NCAM1: variants seen among roughly 807,000 people sequenced by gnomAD.
NCAM1 encodes antigen recognized by monoclonal antibody 5.1H11.
A neutral mutation model predicts 109.8 loss-of-function variants in NCAM1; 14 were observed. That is an observed-to-expected ratio of 0.13 (90% CI 0.08 to 0.20). The LOEUF (loss-of-function observed/expected upper bound fraction) is 0.20. Among genes scored for constraint, NCAM1 ranks in the 10% least tolerant of loss-of-function variants. The pLI, the probability that NCAM1 is intolerant of heterozygous loss-of-function variation, is 1.00. For synonymous variants in NCAM1, 418 were observed against 442.9 expected (o/e 0.94, Z 0.70); for missense variants, 774 against 1,109.9 (o/e 0.70, Z 4.30).
chr11:113,036,565 CATTGTCTACT>C (rs1952895340), intron 1 of NCAM1, among the ~76,000 whole-genome samples: 1 of 152,058 alleles, frequency 6.6e-6, no homozygotes, highest in East Asian at 1.9e-4. Context: ...CCCTCCGGGT[CATTGTCTACT>C]CCCAGGTCCC....
At chr11:113,272,760 G>A (rs748085329) in intron 19 of NCAM1, among the ~76,000 whole-genome samples, 2 of 152,068 alleles carry the variant, frequency 1.3e-5, no homozygotes, top group Non-Finnish European at 2.9e-5. Context: ...GCCCACCTGG[G>A]CGTGTGCTTC....
intron 1 of NCAM1, among the ~76,000 whole-genome samples, chr11:112,990,787 C>T (rs1004308942): frequency 6.6e-6 from 1 of 152,156 alleles, no homozygotes; most frequent in Non-Finnish European, 1.5e-5. Flanking sequence ...GGGTCTGGAG[C>T]TAGGGCCATG....
At chr11:113,137,718 A>C (rs1220431033) in intron 1 of NCAM1, among the ~76,000 whole-genome samples, 1 of 152,248 alleles carries the variant, frequency 6.6e-6, no homozygotes, top group East Asian at 1.9e-4. Flanking sequence ...ACAGTAGGGA[A>C]TTAGACATTT....
At chr11:113,260,117 G>A (rs368235486) in intron 16 of NCAM1, 29 bp from the exon 17 acceptor site, 5 of 1,588,910 alleles carry the variant, frequency 3.1e-6, no homozygotes, top group African/African-American at 2.7e-5. Context: ...TTGGTCTCTT[G>A]TATCCTTCTT....
chr11:113,131,049 G>A (rs1325421820), intron 1 of NCAM1, among the ~76,000 whole-genome samples: 1 of 152,122 alleles, frequency 6.6e-6, no homozygotes, highest in Non-Finnish European at 1.5e-5. Context: ...CAGGACAGAC[G>A]GTTAGTAACG....
At chr11:113,239,499 C>CTTTTTTTTTTTTT (rs55641415) in intron 14 of NCAM1, among the ~76,000 whole-genome samples, 1 of 110,198 alleles carries the variant, frequency 9.1e-6, no homozygotes, top group Non-Finnish European at 1.7e-5. Flanking sequence ...TGAGTCTCTA[C>CTTTTTTTTTTTTT]TTTTTTTTTT....
intron 1 of NCAM1, among the ~76,000 whole-genome samples, chr11:113,033,901 G>A (rs1952789793): frequency 6.6e-6 from 1 of 152,126 alleles, no homozygotes. Flanking sequence ...TGTTACCATT[G>A]TTTTAGACAT....
rs528876236 is a variant in NCAM1 at position 113,074,991 on chromosome 11, G to A, written c.52+113327G>A. ...TGAAAACAGCTTCATGTGGCTCATG[G>A]CTACATGGCTAATTGATAGCACCTG... On this transcript the variant is annotated intron_variant, in intron 1 of 19. Coordinates refer to ENST00000316851, the MANE Select transcript of NCAM1 (RefSeq NM_181351.5). 9.9e-5 allele frequency among the ~76,000 whole-genome samples: 15 copies of A among 152,260 alleles called. No individual in the cohort carries two copies. In the South Asian group the frequency reaches 3.1e-3, roughly 32 times the overall value.
chr11:113,238,721 G>A (rs1385453840), intron 14 of NCAM1, among the ~76,000 whole-genome samples: 1 of 152,214 alleles, frequency 6.6e-6, no homozygotes, highest in East Asian at 1.9e-4. Context: ...AGTGGCATTG[G>A]TTTCTGATGC....
At chr11:113,037,059 T>G (rs1362450404) in intron 1 of NCAM1, among the ~76,000 whole-genome samples, 1 of 152,170 alleles carries the variant, frequency 6.6e-6, no homozygotes, top group African/African-American at 2.4e-5. Flanking sequence ...AGCTAGATCC[T>G]CCTCCTCCAG....
intron 17 of NCAM1, among the ~76,000 whole-genome samples, chr11:113,261,448 A>G (rs1945995276): frequency 2.0e-5 from 3 of 152,060 alleles, no homozygotes; most frequent in Admixed American, 2.0e-4. Context: ...TTTACACTGT[A>G]GGTCAGAAGC....
intron 15 of NCAM1, among the ~76,000 whole-genome samples, chr11:113,247,857 T>C (rs1219556162): frequency 2.0e-5 from 3 of 152,196 alleles, no homozygotes; most frequent in African/African-American, 7.2e-5. Context: ...TTTCATGATT[T>C]CCCAAAGGTT....
intron 1 of NCAM1, among the ~76,000 whole-genome samples, chr11:113,104,084 T>G (rs1940015937): frequency 6.6e-6 from 1 of 151,822 alleles, no homozygotes; most frequent in African/African-American, 2.4e-5. Context: ...CTTTTTAGCT[T>G]TCTAAACTTA....
chr11:112,978,401 A>G (rs1333428480), intron 1 of NCAM1, among the ~76,000 whole-genome samples: 3 of 151,854 alleles, frequency 2.0e-5, no homozygotes, highest in Non-Finnish European at 4.4e-5. Context: ...TATTTTTGAC[A>G]TTATTTTAGT....
At chr11:113,259,126 G>A (rs983557388) in intron 16 of NCAM1, among the ~76,000 whole-genome samples, 2 of 146,544 alleles carry the variant, frequency 1.4e-5, no homozygotes, top group East Asian at 4.0e-4. Flanking sequence ...ATCTCGGCTC[G>A]CTGCAAGCTC....
intron 1 of NCAM1, among the ~76,000 whole-genome samples, chr11:113,070,148 A>G (rs555299872): frequency 6.6e-6 from 1 of 152,258 alleles, no homozygotes; most frequent in South Asian, 2.1e-4. Flanking sequence ...GTGTCATTGC[A>G]CGTTGATTCC....
At chr11:113,085,946 G>A (rs1939064044) in intron 1 of NCAM1, among the ~76,000 whole-genome samples, 1 of 152,206 alleles carries the variant, frequency 6.6e-6, no homozygotes, top group East Asian at 1.9e-4. Context: ...ATAAAAGCAG[G>A]GCAAGTTATT....
Position 113,239,686 on chromosome 11 carries a change from T to C in NCAM1, c.1825+4522T>C, listed in dbSNP as rs528776706. ...CATATGTTGTCCCCCAGGTGGCACA[T>C]TGCAAGTATAACTATGCAAACAATT... On this transcript the variant is annotated intron_variant, in intron 14 of 19. Coordinates refer to ENST00000316851, the MANE Select transcript of NCAM1 (RefSeq NM_181351.5). Among the ~76,000 whole-genome samples the C allele has an allele frequency of 2.6e-5, 4 of 152,058 alleles. No homozygotes were observed. In the East Asian group the frequency reaches 7.7e-4, roughly 29 times the overall value.
chr11:113,052,007 C>T (rs1204562472), intron 1 of NCAM1, among the ~76,000 whole-genome samples: 1 of 152,226 alleles, frequency 6.6e-6, no homozygotes, highest in Non-Finnish European at 1.5e-5. Flanking sequence ...CCTGTGGCCG[C>T]ATGAACTCTG....
Sources: allele counts gnomAD v4.1 joint callset (sites outside exome capture counted in the v4.1 genomes callset), GRCh38; gene constraint gnomAD v4.1.1; transcripts MANE v1.5; gene names NCBI Gene and HGNC (gene_info 2026-07-23, HGNC 2026-07-21).